METTL24: variants seen among roughly 807,000 people sequenced by gnomAD.
METTL24 encodes methyltransferase like 24, also known as probable methyltransferase-like protein 24.
In METTL24, 29 loss-of-function variants were observed where a neutral mutation model predicts 32.7. The ratio of observed to expected loss-of-function variants is 0.89; its 90% CI spans 0.66 to 1.21. METTL24 has a LOEUF of 1.21. Among genes scored for constraint, METTL24 ranks in the 50% most tolerant of loss-of-function variants. The pLI, the probability that METTL24 is intolerant of heterozygous loss-of-function variation, is 0.00. For missense variants in METTL24, 439 were observed against 468.1 expected (o/e 0.94, Z 0.57); for synonymous variants, 163 against 179.5 (o/e 0.91, Z 0.73).
At chr6:110,254,746 T>C (rs981953927) in intron 4 of METTL24, among the ~76,000 whole-genome samples, 1 of 152,226 alleles carries the variant, frequency 6.6e-6, no homozygotes, top group African/African-American at 2.4e-5. Context: ...TTTGGGTCAA[T>C]ATTCAATCAC....
Position 110,357,965 on chromosome 6 carries a change from G to T in METTL24, c.308C>A (p.Pro103His). 2.5e-6 allele frequency: 3 copies of T among 1,190,148 alleles called. No homozygotes were observed. Among genetic ancestry groups the T allele is most frequent in the East Asian group, 3.5e-5 (1 of 28,194 alleles). The allele number at this position is 1,190,148 out of a possible 1,614,324, so 73.7% of individuals were successfully genotyped here. A position where few individuals can be genotyped will look rare whatever the true frequency, so the allele number is the denominator to read the frequency against. The change falls in exon 1 of 5, where the codon CCC becomes CAC. Residue 103 changes from proline (P) to histidine (H), a missense_variant. Physicochemically the swap from Pro to His is moderately conservative, Grantham distance 77. Coordinates refer to ENST00000338882, the MANE Select transcript of METTL24 (RefSeq NM_001123364.3). ...CGCTTTGCAACTGACCTTCCGGCGG[G>T]GGCGCCCGCGCGGGGCACAGCAGCC... ...EPGCCAPRGR[P>H]RRKGPRWHID...
At chr6:110,282,605 C>A (rs1771157796) in intron 4 of METTL24, among the ~76,000 whole-genome samples, 1 of 152,162 alleles carries the variant, frequency 6.6e-6, no homozygotes, top group Non-Finnish European at 1.5e-5. Flanking sequence ...GCAACTCCCA[C>A]TGGGCACCAC....
intron 4 of METTL24, among the ~76,000 whole-genome samples, chr6:110,275,297 C>T (rs1357691801): frequency 6.6e-6 from 1 of 152,002 alleles, no homozygotes; most frequent in African/African-American, 2.4e-5. Flanking sequence ...CTAAGCCCAA[C>T]CCCCCTTTCT....
At chr6:110,339,946 G>T (rs1288315403) in intron 1 of METTL24, among the ~76,000 whole-genome samples, 1 of 152,208 alleles carries the variant, frequency 6.6e-6, no homozygotes, top group Non-Finnish European at 1.5e-5. Flanking sequence ...ATGTGGACAA[G>T]GTTGAAGAGA....
At chr6:110,289,023 T>C (rs1771273512) in intron 4 of METTL24, among the ~76,000 whole-genome samples, 1 of 152,168 alleles carries the variant, frequency 6.6e-6, no homozygotes, top group African/African-American at 2.4e-5. Flanking sequence ...GAGCTGGACC[T>C]CTGATGGTTC....
At chr6:110,252,614 A>G (rs570567177) in intron 4 of METTL24, among the ~76,000 whole-genome samples, 1 of 152,358 alleles carries the variant, frequency 6.6e-6, no homozygotes, top group East Asian at 1.9e-4. Context: ...TTTTTACAAT[A>G]CATCCTTTTA....
At chr6:110,326,011 G>A (rs535012541) in intron 1 of METTL24, among the ~76,000 whole-genome samples, 33 of 152,336 alleles carry the variant, frequency 2.2e-4, no homozygotes, top group Admixed American at 8.5e-4. Flanking sequence ...CTGACCTTCT[G>A]TGGCCCTCCT....
At chr6:110,317,149 C>CTA (rs1771835173) in intron 2 of METTL24, among the ~76,000 whole-genome samples, 1 of 152,138 alleles carries the variant, frequency 6.6e-6, no homozygotes. Context: ...AGTGAAACCC[C>CTA]TATATATCTT....
At chr6:110,311,872 C>G (rs1454810486) in intron 3 of METTL24, among the ~76,000 whole-genome samples, 1 of 152,068 alleles carries the variant, frequency 6.6e-6, no homozygotes, top group Non-Finnish European at 1.5e-5. Flanking sequence ...TGTCCTTTGC[C>G]CACTTTTTCA....
At chr6:110,284,070 T>C (rs541469543) in intron 4 of METTL24, among the ~76,000 whole-genome samples, 3 of 152,184 alleles carry the variant, frequency 2.0e-5, no homozygotes, top group East Asian at 1.9e-4. Flanking sequence ...ACAACCCCAA[T>C]GAACCTTGAA....
intron 2 of METTL24, among the ~76,000 whole-genome samples, chr6:110,317,028 C>T (rs1359941981): frequency 6.6e-6 from 1 of 152,232 alleles, no homozygotes; most frequent in African/African-American, 2.4e-5. Flanking sequence ...ACAGCATCTG[C>T]ATTACTCTTG....
chr6:110,282,793 A>G (rs1455824171), intron 4 of METTL24, among the ~76,000 whole-genome samples: 6 of 152,246 alleles, frequency 3.9e-5, no homozygotes, highest in African/African-American at 1.4e-4. Flanking sequence ...CTCAAAACCA[A>G]TACAAGTTTC....
chr6:110,279,168 T>C (rs1771096786), intron 4 of METTL24, among the ~76,000 whole-genome samples: 1 of 152,226 alleles, frequency 6.6e-6, no homozygotes, highest in African/African-American at 2.4e-5. Flanking sequence ...TACTGTGCAT[T>C]TCACATGGGC....
rs147076296 is a variant in METTL24 at position 110,315,609 on chromosome 6, C to T, written c.418-128G>A. The T allele has an allele frequency of 8.9e-4, 823 of 922,294 alleles. 6 individuals are homozygous for T. In the African/African-American group the frequency reaches 0.011, roughly 13 times the overall value. The allele number at this position is 922,294 out of a possible 1,614,324, so 57.1% of individuals were successfully genotyped here. ...TTATAATCTCCTCCACTGCTAACAA[C>T]TCCCCTCCCCAGGGAACCACAAGAC... is the stretch of plus-strand genomic sequence containing the variant. On this transcript the variant is annotated intron_variant, in intron 2 of 4. Coordinates refer to ENST00000338882, the MANE Select transcript of METTL24 (RefSeq NM_001123364.3).
intron 2 of METTL24, among the ~76,000 whole-genome samples, chr6:110,316,314 AAGGG>A (rs1267041143): frequency 5.9e-5 from 9 of 152,238 alleles, no homozygotes; most frequent in African/African-American, 2.2e-4. Flanking sequence ...TATACTTCAT[AAGGG>A]ATTCTGACTT....
At chr6:110,313,421 C>T (rs1771761262) in intron 3 of METTL24, among the ~76,000 whole-genome samples, 1 of 152,188 alleles carries the variant, frequency 6.6e-6, no homozygotes, top group Non-Finnish European at 1.5e-5. Flanking sequence ...ATAATCTGAA[C>T]TCTTACTGCA....
rs1332679593 is a variant in METTL24 at position 110,295,790 on chromosome 6, AAAGAAAGGAAGG to A, written c.786+3120_786+3131del. Among the ~76,000 whole-genome samples, 665 of 94,400 alleles carry A rather than the reference AAAGAAAGGAAGG, an allele frequency of 7.0e-3. 4 individuals are homozygous for A. The highest frequency in any genetic ancestry group is 0.043 in the African/African-American group (624 of 14,576). 61.9% of individuals were successfully genotyped at this position (94,400 alleles called of 152,430 possible). On this transcript the variant is annotated intron_variant, in intron 4 of 4. Transcript: ENST00000338882. ...ATTTTCCCCGGGAAAGAAAAGAAAG[AAAGAAAGGAAGG>A]AAGGAAGGAAGGAAGGAAGGAAGGA... is the stretch of plus-strand genomic sequence containing the variant.
chr6:110,296,682 A>G (rs1019177463), intron 4 of METTL24, among the ~76,000 whole-genome samples: 1 of 152,256 alleles, frequency 6.6e-6, no homozygotes, highest in Non-Finnish European at 1.5e-5. Context: ...CTACAAAACT[A>G]TATGAGATAT....
At chr6:110,253,886 G>A in intron 4 of METTL24, 1 of 1,443,290 alleles carries the variant, frequency 6.9e-7, no homozygotes, top group Non-Finnish European at 9.2e-7. Context: ...CTCAAACAGA[G>A]TCCCTCAGAG....
Sources: gnomAD v4.1 joint callset for allele counts (sites outside exome capture counted in the v4.1 genomes callset) on GRCh38, gnomAD v4.1.1 for gene constraint, MANE v1.5 for transcripts, NCBI Gene and HGNC (gene_info 2026-07-23, HGNC 2026-07-21) for gene names.